Variants in GLIS3 observed in about 807,000 individuals in gnomAD.
GLIS3 encodes the protein zinc finger protein GLIS3.
GLIS3 carries 53 observed loss-of-function variants against 78.6 expected under a neutral mutation model. That is an observed-to-expected ratio of 0.67 (90% CI 0.54 to 0.85). The LOEUF (loss-of-function observed/expected upper bound fraction) is 0.85. Among genes scored for constraint, GLIS3 ranks in the 40% least tolerant of loss-of-function variants. The pLI, the probability that GLIS3 is intolerant of heterozygous loss-of-function variation, is 0.00. For missense variants in GLIS3, 1,703 were observed against 1,231.1 expected (o/e 1.38, Z -5.74); for synonymous variants, 684 against 509.9 (o/e 1.34, Z -4.60).
At chr9:4,113,042 C>G (rs1210254087) in intron 4 of GLIS3, among the ~76,000 whole-genome samples, 1 of 151,890 alleles carries the variant, frequency 6.6e-6, no homozygotes, top group Non-Finnish European at 1.5e-5. Context: ...TCTACCAGAA[C>G]TATATAATAT....
intron 4 of GLIS3, among the ~76,000 whole-genome samples, chr9:4,002,172 G>C (rs1006196072): frequency 6.6e-6 from 1 of 152,186 alleles, no homozygotes; most frequent in African/African-American, 2.4e-5. Context: ...TAGGAGATGT[G>C]ACAATGGAAG....
chr9:3,910,033 G>C (rs1361577560), intron 6 of GLIS3, among the ~76,000 whole-genome samples: 1 of 152,156 alleles, frequency 6.6e-6, no homozygotes, highest in Admixed American at 6.5e-5. Flanking sequence ...TGATGACAGG[G>C]AACATCCTTC....
At chr9:4,040,925 C>A (rs981545214) in intron 4 of GLIS3, among the ~76,000 whole-genome samples, 2 of 152,138 alleles carry the variant, frequency 1.3e-5, no homozygotes, top group African/African-American at 4.8e-5. Flanking sequence ...GTTTGAAATA[C>A]AAAACATCAG....
chr9:4,184,024 G>T (rs1385560251), intron 2 of GLIS3, among the ~76,000 whole-genome samples: 1 of 152,098 alleles, frequency 6.6e-6, no homozygotes, highest in Non-Finnish European at 1.5e-5. Context: ...GGAAATCAAT[G>T]AGGAACATGA....
intron 4 of GLIS3, among the ~76,000 whole-genome samples, chr9:4,051,582 C>A (rs932843802): frequency 9.2e-5 from 14 of 152,030 alleles, no homozygotes; most frequent in African/African-American, 3.1e-4. Context: ...TCATGTAATT[C>A]AAAGAAAGAA....
intron 4 of GLIS3, among the ~76,000 whole-genome samples, chr9:4,069,172 G>C (rs1051273736): frequency 1.3e-5 from 2 of 152,178 alleles, no homozygotes; most frequent in African/African-American, 4.8e-5. Context: ...CCGAGCAGAG[G>C]AGATTTCTAA....
chr9:4,459,032 G>C, the GLIS3 span, among the ~76,000 whole-genome samples: 1 of 152,218 alleles, frequency 6.6e-6, no homozygotes. Flanking sequence ...CTCTGGGATG[G>C]CAAGTCACTG....
Position 4,117,948 on chromosome 9 carries a change from C to T in GLIS3, c.1530G>A (p.Leu510=), listed in dbSNP as rs759681640. ...HCCRWIDCSA[L]YDQQEELVRH... ...GCACGAGCTCCTCCTGCTGGTCGTA[C>T]AGGGCGCTGCAGTCGATCCAGCGGC... Residue 510 remains leucine (L), a synonymous_variant, in exon 4 of 11, where the codon CTG becomes CTA. Transcript: ENST00000381971. 10 of 1,613,960 alleles carry T rather than the reference C, an allele frequency of 6.2e-6. No homozygotes were observed. Among genetic ancestry groups the T allele is most frequent in the African/African-American group, 1.3e-5 (1 of 74,942 alleles).
intron 4 of GLIS3, among the ~76,000 whole-genome samples, chr9:4,049,337 C>A (rs749801642): frequency 1.3e-5 from 2 of 152,176 alleles, no homozygotes; most frequent in Non-Finnish European, 2.9e-5. Context: ...TGCAGGGCCC[C>A]TTCCTCACCT....
chr9:4,362,679 T>C, the GLIS3 span, among the ~76,000 whole-genome samples: 2 of 152,214 alleles, frequency 1.3e-5, no homozygotes, highest in Admixed American at 6.5e-5. Flanking sequence ...AAAACATTTT[T>C]GCACCCTCAG....
intron 2 of GLIS3, among the ~76,000 whole-genome samples, chr9:4,196,095 A>T (rs913418668): frequency 2.0e-5 from 3 of 152,088 alleles, no homozygotes; most frequent in Non-Finnish European, 4.4e-5. Flanking sequence ...GTCTAGCTCA[A>T]GGTTTGTAAA....
intron 2 of GLIS3, among the ~76,000 whole-genome samples, chr9:4,211,380 A>T (rs952905965): frequency 6.6e-6 from 1 of 152,234 alleles, no homozygotes; most frequent in Non-Finnish European, 1.5e-5. Context: ...TCCCAAATTC[A>T]TTCACACTCA....
At chr9:4,096,429 T>G (rs904113563) in intron 4 of GLIS3, among the ~76,000 whole-genome samples, 1 of 152,202 alleles carries the variant, frequency 6.6e-6, no homozygotes, top group African/African-American at 2.4e-5. Flanking sequence ...TGCACATAAC[T>G]CCAGAACTCT....
chr9:4,263,462 C>A lies in GLIS3; in HGVS notation c.388+22576G>T, dbSNP rs988902111. Among the ~76,000 whole-genome samples the A allele has an allele frequency of 9.3e-5, 14 of 151,214 alleles. 1 individual carries two copies. The highest frequency in any genetic ancestry group is 8.6e-4 in the Admixed American group (13 of 15,194). On this transcript the variant is annotated intron_variant, in intron 2 of 10. Coordinates refer to ENST00000381971, the MANE Select transcript of GLIS3 (RefSeq NM_001042413.2). ...GATAATCATATAATTTTGCCCCTGG[C>A]AAGACTAAAAGAAAAATAAAGTCTA...
chr9:4,308,231 G>A (rs1817278920), intron 4 of GLIS3, among the ~76,000 whole-genome samples: 1 of 152,042 alleles, frequency 6.6e-6, no homozygotes, highest in Admixed American at 6.6e-5. Flanking sequence ...GAAGTGAAAG[G>A]ACCCACAGCC....
intron 2 of GLIS3, among the ~76,000 whole-genome samples, chr9:4,219,528 T>C (rs1821135632): frequency 6.6e-6 from 1 of 152,154 alleles, no homozygotes; most frequent in Admixed American, 6.5e-5. Context: ...CTACCCTCAA[T>C]AAATGTGACC....
chr9:3,959,417 G>C (rs1817386723), intron 4 of GLIS3, among the ~76,000 whole-genome samples: 1 of 152,212 alleles, frequency 6.6e-6, no homozygotes, highest in Non-Finnish European at 1.5e-5. Flanking sequence ...ATAGCAGCCT[G>C]AGAGGACTAA....
chr9:4,187,472 G>A (rs562730069), intron 2 of GLIS3, among the ~76,000 whole-genome samples: 35 of 152,090 alleles, frequency 2.3e-4, no homozygotes, highest in East Asian at 9.7e-4. Context: ...TTGACTTGGC[G>A]ATGTGGGCTC....
At chr9:4,450,093 A>G in the GLIS3 span, among the ~76,000 whole-genome samples, 1 of 152,128 alleles carries the variant, frequency 6.6e-6, no homozygotes, top group Non-Finnish European at 1.5e-5. Context: ...GAAGCTAAAA[A>G]CCTTGAAAAA....
Sources: allele counts gnomAD v4.1 joint callset (sites outside exome capture counted in the v4.1 genomes callset), GRCh38; gene constraint gnomAD v4.1.1; transcripts MANE v1.5; gene names NCBI Gene and HGNC (gene_info 2026-07-23, HGNC 2026-07-21).